The following RARB variants were observed in gnomAD, a reference collection of about 807,000 sequenced individuals.
RARB encodes the protein retinoic acid receptor beta.
In RARB, 17 loss-of-function variants were observed where a neutral mutation model predicts 51.9. The ratio of observed to expected loss-of-function variants is 0.33; its 90% CI spans 0.22 to 0.49. The LOEUF (loss-of-function observed/expected upper bound fraction) is 0.49. Ranked by LOEUF, RARB falls within the 20% of genes least tolerant of loss-of-function variation. RARB has a pLI of 0.99. For synonymous variants in RARB, 215 were observed against 195.4 expected (o/e 1.10, Z -0.84); for missense variants, 369 against 550.8 (o/e 0.67, Z 3.30).
chr3:25,221,510 G>A (rs1034520246), intron 5 of RARB, among the ~76,000 whole-genome samples: 1 of 152,152 alleles, frequency 6.6e-6, no homozygotes, highest in East Asian at 1.9e-4. Flanking sequence ...TTGTCATCAT[G>A]TTTTTCTCGC....
At chr3:25,120,881 T>A (rs1449819542) in intron 3 of RARB, among the ~76,000 whole-genome samples, 1 of 152,184 alleles carries the variant, frequency 6.6e-6, no homozygotes, top group South Asian at 2.1e-4. Context: ...CATTGACATA[T>A]TGTCTATGGC....
intron 4 of RARB, among the ~76,000 whole-genome samples, chr3:25,163,504 A>AAAAAAAATATATATATATATATAT (rs1303712411): frequency 1.5e-5 from 2 of 131,092 alleles, no homozygotes; most frequent in African/African-American, 6.4e-5. Context: ...CCTATCTCAA[A>AAAAAAAATATATATATATATATAT]ATATATATAT....
At chr3:25,353,556 T>C (rs1014962799) in intron 5 of RARB, among the ~76,000 whole-genome samples, 1 of 149,778 alleles carries the variant, frequency 6.7e-6, no homozygotes, top group Non-Finnish European at 1.5e-5. Context: ...ATAAGATTGA[T>C]ATCTTTTGTG....
chr3:25,318,109 C>T (rs1305670368), intron 5 of RARB, among the ~76,000 whole-genome samples: 3 of 152,158 alleles, frequency 2.0e-5, no homozygotes, highest in African/African-American at 7.2e-5. Context: ...TAATCTAGTA[C>T]ACTTTTTAAA....
At chr3:25,498,484 C>CT (rs1183633461) in intron 2 of RARB, among the ~76,000 whole-genome samples, 1 of 152,234 alleles carries the variant, frequency 6.6e-6, no homozygotes, top group Non-Finnish European at 1.5e-5. Context: ...AAATGATTTA[C>CT]TGAAACTTAG....
chr3:25,218,749 A>G (rs1701885914), intron 5 of RARB, among the ~76,000 whole-genome samples: 1 of 152,212 alleles, frequency 6.6e-6, no homozygotes, highest in South Asian at 2.1e-4. Context: ...TCCTGGGGAA[A>G]GCTATAGAGA....
At chr3:24,915,707 C>T (rs1695093749) in intron 2 of RARB, among the ~76,000 whole-genome samples, 2 of 152,166 alleles carry the variant, frequency 1.3e-5, no homozygotes, top group African/African-American at 4.8e-5. Context: ...TCTGGTTCAA[C>T]TGATATGTGA....
At chr3:25,380,703 T>A (rs970570056) in intron 5 of RARB, among the ~76,000 whole-genome samples, 2 of 152,170 alleles carry the variant, frequency 1.3e-5, no homozygotes, top group Non-Finnish European at 2.9e-5. Context: ...AAGAAGAATG[T>A]TGATATAGCT....
chr3:25,302,376 T>C (rs1704061622), intron 5 of RARB, among the ~76,000 whole-genome samples: 1 of 152,192 alleles, frequency 6.6e-6, no homozygotes, highest in African/African-American at 2.4e-5. Context: ...ATTCAACTGA[T>C]GAATGGATAA....
At chr3:25,292,214 G>A (rs1057412726) in intron 5 of RARB, among the ~76,000 whole-genome samples, 3 of 152,166 alleles carry the variant, frequency 2.0e-5, no homozygotes, top group African/African-American at 7.2e-5. Context: ...GTTCTTCACT[G>A]CTGGCGATGC....
chr3:25,240,849 G>C (rs1007444068), intron 5 of RARB, among the ~76,000 whole-genome samples: 1 of 152,134 alleles, frequency 6.6e-6, no homozygotes, highest in Non-Finnish European at 1.5e-5. Context: ...TGGCTTTGTA[G>C]AATGAATTAG....
At chr3:25,163,647 C>A (rs913081311) in intron 4 of RARB, among the ~76,000 whole-genome samples, 1 of 151,782 alleles carries the variant, frequency 6.6e-6, no homozygotes. Context: ...ATTTGCATGG[C>A]CCTTGGTGGT....
chr3:25,534,748 C>A (rs1333996655), intron 3 of RARB, among the ~76,000 whole-genome samples: 1 of 152,058 alleles, frequency 6.6e-6, no homozygotes, highest in African/African-American at 2.4e-5. Flanking sequence ...AGAGTCCTTA[C>A]CTGTTGGCTT....
chr3:25,037,300 C>G (rs1357851589), intron 2 of RARB, among the ~76,000 whole-genome samples: 2 of 149,234 alleles, frequency 1.3e-5, no homozygotes, highest in Non-Finnish European at 3.0e-5. Flanking sequence ...AATAAAGTTT[C>G]AAAGAAGTTT....
chr3:24,918,813 C>T (rs1390400420), intron 2 of RARB, among the ~76,000 whole-genome samples: 1 of 152,162 alleles, frequency 6.6e-6, no homozygotes, highest in Non-Finnish European at 1.5e-5. Flanking sequence ...ATTGCTTGAA[C>T]CCAGGATGCA....
intron 2 of RARB, among the ~76,000 whole-genome samples, chr3:24,883,549 T>G (rs551435742): frequency 6.6e-6 from 1 of 152,250 alleles, no homozygotes; most frequent in Admixed American, 6.5e-5. Context: ...TTAGACTTGG[T>G]GCAAAAAATC....
chr3:24,969,471 C>T (rs1326637090), intron 2 of RARB, among the ~76,000 whole-genome samples: 1 of 152,086 alleles, frequency 6.6e-6, no homozygotes, highest in African/African-American at 2.4e-5. Context: ...ACAAATCTCT[C>T]TAGGCCAGCC....
intron 2 of RARB, among the ~76,000 whole-genome samples, chr3:25,049,052 C>G (rs1197909994): frequency 6.6e-6 from 1 of 152,092 alleles, no homozygotes; most frequent in Non-Finnish European, 1.5e-5. Context: ...GCGCCCAGCT[C>G]CAAGACCACT....
chr3:25,234,450 T>C (rs542754631), intron 5 of RARB, among the ~76,000 whole-genome samples: 7 of 152,320 alleles, frequency 4.6e-5, no homozygotes, highest in East Asian at 1.9e-4. Flanking sequence ...TGTTGATCCT[T>C]TTAAAAACAC....
Sources: gnomAD v4.1 joint callset for allele counts (sites outside exome capture counted in the v4.1 genomes callset) on GRCh38, gnomAD v4.1.1 for gene constraint, MANE v1.5 for transcripts, NCBI Gene and HGNC (gene_info 2026-07-23, HGNC 2026-07-21) for gene names.